PLD5: variants seen among roughly 807,000 people sequenced by gnomAD.
PLD5 encodes inactive phospholipase D5.
PLD5 carries 36 observed loss-of-function variants against 61.1 expected under a neutral mutation model. The observed-to-expected ratio is 0.59, with a 90% CI of 0.45 to 0.78. PLD5 has a LOEUF of 0.78. Among genes scored for constraint, PLD5 ranks in the 30% least tolerant of loss-of-function variants. PLD5 has a pLI of 0.00. For synonymous variants in PLD5, 243 were observed against 242.8 expected, an observed-to-expected ratio of 1.00 and a Z score of -0.01; for missense variants, 515 against 644.4, an observed-to-expected ratio of 0.80 and a Z score of 2.17.
intron 1 of PLD5, among the ~76,000 whole-genome samples, chr1:242,416,217 A>G (rs1291001547): frequency 6.6e-6 from 1 of 152,188 alleles, no homozygotes; most frequent in African/African-American, 2.4e-5. Context: ...TGGGAAAAAG[A>G]AAATAGAAGA....
chr1:242,450,922 C>G (rs552076772), intron 1 of PLD5, among the ~76,000 whole-genome samples: 2 of 152,142 alleles, frequency 1.3e-5, no homozygotes, highest in African/African-American at 2.4e-5. Context: ...TAAGTGAATA[C>G]TCTGAAACTC....
chr1:242,370,315 A>G (rs1038044931), intron 1 of PLD5, among the ~76,000 whole-genome samples: 1 of 152,230 alleles, frequency 6.6e-6, no homozygotes, highest in African/African-American at 2.4e-5. Flanking sequence ...CTCTGTGGGC[A>G]TCTAACACTT....
At chr1:242,224,376 T>A (rs913924714) in intron 4 of PLD5, among the ~76,000 whole-genome samples, 21 of 152,304 alleles carry the variant, frequency 1.4e-4, no homozygotes, top group African/African-American at 2.2e-4. Flanking sequence ...ACATATTTTT[T>A]AAAAATATAT....
intron 1 of PLD5, among the ~76,000 whole-genome samples, chr1:242,397,767 T>A (rs1663679041): frequency 8.0e-6 from 1 of 124,672 alleles, no homozygotes; most frequent in African/African-American, 3.2e-5. Flanking sequence ...TTAGCACGTC[T>A]TTTTCTTCTT....
At position 242,241,390 on chromosome 1, in the gene PLD5, C is replaced by A. The variant is rs185844432; in HGVS notation, c.608-21275G>T. ...CCCTAATTTCTATTCAATTCAAATA[C>A]CTAAAAATTAAGGAGCCCTAGCAAA... On this transcript the variant is annotated intron_variant, in intron 4 of 9. Coordinates refer to ENST00000536534, the MANE Select transcript of PLD5 (RefSeq NM_001372062.1). Among the ~76,000 whole-genome samples, 6 of 152,244 alleles carry A rather than the reference C, an allele frequency of 3.9e-5. No individual in the cohort carries two copies. In the East Asian group the frequency reaches 1.2e-3, roughly 29 times the overall value.
At chr1:242,241,904 T>TAC (rs1433905348) in intron 4 of PLD5, among the ~76,000 whole-genome samples, 2 of 42,680 alleles carry the variant, frequency 4.7e-5, no homozygotes, top group Non-Finnish European at 9.4e-5. Flanking sequence ...TATATATATA[T>TAC]ATATATACTT....
intron 5 of PLD5, among the ~76,000 whole-genome samples, chr1:242,134,212 G>C (rs1471413865): frequency 1.3e-5 from 2 of 152,162 alleles, no homozygotes; most frequent in Admixed American, 6.5e-5. Flanking sequence ...CATTAAGCTT[G>C]TTTTTATTTA....
intron 1 of PLD5, among the ~76,000 whole-genome samples, chr1:242,461,345 C>A (rs1033156721): frequency 6.6e-6 from 1 of 152,096 alleles, no homozygotes; most frequent in Non-Finnish European, 1.5e-5. Context: ...CAGTTGAAGG[C>A]CTTTTATGTG....
intron 8 of PLD5, among the ~76,000 whole-genome samples, chr1:242,107,076 G>A (rs1447204332): frequency 2.0e-5 from 3 of 152,178 alleles, no homozygotes; most frequent in African/African-American, 7.2e-5. Context: ...TGGGGACCCA[G>A]ACGACGAGGC....
Position 242,114,013 on chromosome 1 carries a change from A to G in PLD5, c.947T>C (p.Leu316Pro). 6.2e-7 allele frequency: 1 copy of G among 1,613,050 alleles called. No individual in the cohort carries two copies. The highest frequency in any genetic ancestry group is 8.5e-7 in the Non-Finnish European group (1 of 1,179,612). Residue 316 changes from leucine (L) to proline (P), a missense_variant, in exon 7 of 10, where the codon CTC becomes CCC. Leu to Pro is a moderately conservative substitution (Grantham distance 98). Around this residue, in one of 2 missense-constraint regions of PLD5, gnomAD observed 450 missense variants for 598.1 expected, o/e 0.75. Transcript: ENST00000536534. ...SQAFVSNSPKLFCPKNRSFDI... is the reference protein window; with the variant it reads ...SQAFVSNSPKPFCPKNRSFDI... ...AAAACTTCTGTTTTTAGGGCAAAAG[A>G]GTTTTGGAGAATTCTGTGAAGACAC... is the stretch of plus-strand genomic sequence containing the variant.
chr1:242,308,246 T>G (rs1676489089), intron 2 of PLD5, among the ~76,000 whole-genome samples: 2 of 152,086 alleles, frequency 1.3e-5, no homozygotes, highest in African/African-American at 4.8e-5. Flanking sequence ...AACTTCAATC[T>G]TGCAATTCTC....
intron 5 of PLD5, among the ~76,000 whole-genome samples, chr1:242,152,404 G>A (rs907766654): frequency 1.3e-5 from 2 of 152,040 alleles, no homozygotes; most frequent in African/African-American, 4.8e-5. Context: ...TGTACAGAAT[G>A]TGCAGTATTG....
chr1:242,182,595 C>A (rs573009389), intron 5 of PLD5, among the ~76,000 whole-genome samples: 3 of 152,294 alleles, frequency 2.0e-5, no homozygotes, highest in East Asian at 3.9e-4. Flanking sequence ...GTAATTCCAG[C>A]ACTTTGGGAG....
chr1:242,512,474 G>A (rs1668958074), intron 1 of PLD5, among the ~76,000 whole-genome samples: 1 of 151,836 alleles, frequency 6.6e-6, no homozygotes, highest in Non-Finnish European at 1.5e-5. Context: ...GCTGCAGAGT[G>A]TCTTACCGTC....
intron 1 of PLD5, among the ~76,000 whole-genome samples, chr1:242,435,225 CA>C (rs35939763): frequency 0.26 from 40,024 of 151,962 alleles, 6,656 homozygotes; most frequent in African/African-American, 0.47. Flanking sequence ...TTGATACTCA[CA>C]AGGGCTTTGA....
intron 1 of PLD5, among the ~76,000 whole-genome samples, chr1:242,492,654 A>G (rs559934981): frequency 6.6e-6 from 1 of 152,202 alleles, no homozygotes; most frequent in African/African-American, 2.4e-5. Context: ...GTCTTAGTCC[A>G]GGCTGCGATA....
At chr1:242,279,787 C>T (rs1674621196) in intron 3 of PLD5, among the ~76,000 whole-genome samples, 1 of 152,220 alleles carries the variant, frequency 6.6e-6, no homozygotes, top group Non-Finnish European at 1.5e-5. Context: ...CCGCCTCAGC[C>T]TCCCAAAGTG....
chr1:242,265,691 G>T (rs71498840), intron 3 of PLD5, among the ~76,000 whole-genome samples: 1 of 152,178 alleles, frequency 6.6e-6, no homozygotes, highest in African/African-American at 2.4e-5. Context: ...ATTGCAATAA[G>T]AATTCCAATG....
intron 1 of PLD5, among the ~76,000 whole-genome samples, chr1:242,394,406 A>G (rs796277290): frequency 6.3e-5 from 3 of 47,564 alleles, no homozygotes; most frequent in Non-Finnish European, 9.9e-5. Context: ...ATATGTGTGT[A>G]TATATGAGTA....
Sources: gnomAD v4.1 joint callset for allele counts (sites outside exome capture counted in the v4.1 genomes callset) on GRCh38, gnomAD v4.1.1 for gene constraint, gnomAD v4.1.1 regional missense constraint, MANE v1.5 for transcripts, NCBI Gene and HGNC (gene_info 2026-07-23, HGNC 2026-07-21) for gene names.